The following LOC400499 variants were observed in gnomAD, a reference collection of about 807,000 sequenced individuals.
At chr16:11,500,096 A>G in the LOC400499 span, among the ~76,000 whole-genome samples, 1 of 152,238 alleles carries the variant, frequency 6.6e-6, no homozygotes, top group Non-Finnish European at 1.5e-5. Context: ...TAAATATAAT[A>G]GCTCTGATTT....
chr16:11,401,307 T>G, the LOC400499 span: 1 of 399,200 alleles, frequency 2.5e-6, no homozygotes, highest in Non-Finnish European at 4.4e-6. Flanking sequence ...GCAAGGCCAC[T>G]GGCCTCGGCT....
chr16:11,434,492 G>C, the LOC400499 span, among the ~76,000 whole-genome samples: 3 of 152,268 alleles, frequency 2.0e-5, no homozygotes, highest in South Asian at 4.2e-4. Flanking sequence ...GCTACCTCCA[G>C]GTATATAGAG....
At chr16:11,462,517 C>A in the LOC400499 span, 2 of 794,736 alleles carry the variant, frequency 2.5e-6, no homozygotes. Context: ...GCAACCTCCA[C>A]CTCCTGGGTT....
At chr16:11,523,138 C>T in the LOC400499 span, among the ~76,000 whole-genome samples, 1 of 152,200 alleles carries the variant, frequency 6.6e-6, no homozygotes, top group Non-Finnish European at 1.5e-5. Context: ...TGGCCAAAGA[C>T]ATTTATTCCA....
chr16:11,383,306 A>ATC, the LOC400499 span, among the ~76,000 whole-genome samples: 1 of 152,124 alleles, frequency 6.6e-6, no homozygotes, highest in African/African-American at 2.4e-5. Flanking sequence ...TGACCTCGTG[A>ATC]TGCACCCACC....
chr16:11,507,020 C>A, the LOC400499 span, among the ~76,000 whole-genome samples: 1 of 152,186 alleles, frequency 6.6e-6, no homozygotes, highest in East Asian at 1.9e-4. Flanking sequence ...AAGTAAAAGA[C>A]AGCCGCACAG....
the LOC400499 span, among the ~76,000 whole-genome samples, chr16:11,416,090 G>A: frequency 4.6e-5 from 7 of 151,756 alleles, no homozygotes; most frequent in Admixed American, 4.6e-4. Context: ...TGAGTAGCTG[G>A]GACTACAGGC....
the LOC400499 span, among the ~76,000 whole-genome samples, chr16:11,496,067 C>T: frequency 1.4e-5 from 2 of 145,472 alleles, no homozygotes; most frequent in African/African-American, 2.5e-5. Context: ...TAGCTCTGTC[C>T]TTTTTTTTTT....
the LOC400499 span, chr16:11,472,714 CTAATGA>C: frequency 6.6e-6 from 1 of 152,196 alleles, no homozygotes; most frequent in Non-Finnish European, 1.5e-5. Flanking sequence ...TCTTAAACTG[CTAATGA>C]TAATAGTTCC....
At chr16:11,515,558 A>T in the LOC400499 span, among the ~76,000 whole-genome samples, 1 of 151,780 alleles carries the variant, frequency 6.6e-6, no homozygotes, top group Admixed American at 6.6e-5. Context: ...AAATTTCTTG[A>T]AGGAAAGAGG....
At chr16:11,505,270 C>T in the LOC400499 span, among the ~76,000 whole-genome samples, 1 of 151,972 alleles carries the variant, frequency 6.6e-6, no homozygotes, top group Non-Finnish European at 1.5e-5. Flanking sequence ...GGAAGAAATG[C>T]ACCTTAGCAC....
At chr16:11,429,101 G>A in the LOC400499 span, among the ~76,000 whole-genome samples, 10 of 152,208 alleles carry the variant, frequency 6.6e-5, no homozygotes, top group African/African-American at 1.9e-4. Context: ...TTGGACCTGT[G>A]TCCCCAACAA....
chr16:11,476,019 T>C, the LOC400499 span, among the ~76,000 whole-genome samples: 1 of 152,016 alleles, frequency 6.6e-6, no homozygotes, highest in Non-Finnish European at 1.5e-5. Context: ...GAGGTAACTT[T>C]TGAGCAGAAA....
At chr16:11,395,520 G>C in the LOC400499 span, among the ~76,000 whole-genome samples, 1 of 152,170 alleles carries the variant, frequency 6.6e-6, no homozygotes, top group Non-Finnish European at 1.5e-5. Flanking sequence ...AAGAACCTTG[G>C]AAGGAGAAAC....
chr16:11,467,597 GC>G, the LOC400499 span, among the ~76,000 whole-genome samples: 1 of 152,048 alleles, frequency 6.6e-6, no homozygotes, highest in African/African-American at 2.4e-5. Context: ...GAGTGACAGA[GC>G]AAGACCCTGC....
the LOC400499 span, among the ~76,000 whole-genome samples, chr16:11,483,148 T>C: frequency 2.0e-5 from 3 of 152,108 alleles, no homozygotes; most frequent in Non-Finnish European, 4.4e-5. Context: ...AATTAAAAAG[T>C]CTAACCATAT....
chr16:11,395,218 C>A, the LOC400499 span, among the ~76,000 whole-genome samples: 3 of 152,174 alleles, frequency 2.0e-5, no homozygotes, highest in Admixed American at 2.0e-4. Context: ...TGGGTGAATG[C>A]CTGACCTCCC....
chr16:11,458,345 CA>C, the LOC400499 span, among the ~76,000 whole-genome samples: 7 of 149,092 alleles, frequency 4.7e-5, no homozygotes, highest in Non-Finnish European at 7.4e-5. Flanking sequence ...GACTCCATCT[CA>C]AAAAAAAAAT....
At chr16:11,398,271 G>A in the LOC400499 span, 184 of 1,189,644 alleles carry the variant, frequency 1.5e-4, no homozygotes, top group East Asian at 2.5e-3. Flanking sequence ...TGCATTCTGC[G>A]GGCACCACCC....
Sources: gnomAD v4.1 joint callset for allele counts (sites outside exome capture counted in the v4.1 genomes callset) on GRCh38, gnomAD v4.1.1 for gene constraint, MANE v1.5 for transcripts.